PPP6R3: variants seen among roughly 807,000 people sequenced by gnomAD.
The protein encoded by PPP6R3 is protein phosphatase 6 regulatory subunit 3, also known as serine/threonine-protein phosphatase 6 regulatory subunit 3.
In PPP6R3, 38 loss-of-function variants were observed where a neutral mutation model predicts 110.7. That is an observed-to-expected ratio of 0.34 (90% CI 0.26 to 0.45). PPP6R3 has a LOEUF of 0.45. Among genes scored for constraint, PPP6R3 ranks in the 20% least tolerant of loss-of-function variants. The probability of loss-of-function intolerance (pLI) is 1.00; values close to 1 mark genes in which losing one functional copy is unlikely to be tolerated. For missense variants in PPP6R3, 870 were observed against 1,062.4 expected (o/e 0.82, Z 2.52); for synonymous variants, 369 against 373.5 (o/e 0.99, Z 0.14).
rs67739319 is a variant in PPP6R3 at position 68,506,414 on chromosome 11, C to CAAAAAAAAAAAAAAAAAAA, written c.-157-13071_-157-13053dup. 6.9e-4 allele frequency among the ~76,000 whole-genome samples: 32 copies of CAAAAAAAAAAAAAAAAAAA among 46,076 alleles called. 4 individuals carry two copies. The highest frequency in any genetic ancestry group is 9.8e-4 in the Non-Finnish European group (23 of 23,484). 30.2% of individuals were successfully genotyped at this position (46,076 alleles called of 152,430 possible). ...ACTGCTGCACCCAGCCCTTTATACT[C>CAAAAAAAAAAAAAAAAAAA]AAAAAAAAAAAAAAAAAAAAAAAAA... is the stretch of plus-strand genomic sequence containing the variant. On this transcript the variant is annotated intron_variant, in intron 1 of 23. Transcript: ENST00000393800.
chr11:68,474,268 A>G (rs777430801), intron 1 of PPP6R3, among the ~76,000 whole-genome samples: 18 of 152,082 alleles, frequency 1.2e-4, no homozygotes, highest in Non-Finnish European at 2.2e-4. Context: ...CTGGTCTCGA[A>G]CTTCTGGCTT....
intron 15 of PPP6R3, 54 bp from the exon 16 acceptor site, chr11:68,587,873 T>C: frequency 7.2e-7 from 1 of 1,393,630 alleles, no homozygotes; most frequent in East Asian, 2.3e-5. Flanking sequence ...GCAAATAGTA[T>C]GTAGAATATC....
rs1342045075 is a variant in PPP6R3, at chr11:68,601,980, A to T, written c.2299+11A>T. ...CAGTGCAGCCAGAAGGTGCGTGCAG[A>T]GAGGCCTGGGTACACGCCAGGGTCA... On this transcript the variant is annotated intron_variant, in intron 21 of 23. Coordinates refer to ENST00000393800, the MANE Select transcript of PPP6R3 (RefSeq NM_001164161.2). 6.2e-7 allele frequency: 1 copy of T among 1,601,370 alleles called. No individual in the cohort carries two copies. Among genetic ancestry groups the T allele is most frequent in the African/African-American group, 1.3e-5 (1 of 74,546 alleles).
intron 1 of PPP6R3, among the ~76,000 whole-genome samples, chr11:68,473,003 A>G (rs1198024261): frequency 5.9e-5 from 9 of 152,188 alleles, no homozygotes; most frequent in Non-Finnish European, 1.2e-4. Context: ...GTTGATGGAC[A>G]TTTGTTTCCT....
At chr11:68,564,739 A>C (rs1401963679) in intron 9 of PPP6R3, among the ~76,000 whole-genome samples, 2 of 152,238 alleles carry the variant, frequency 1.3e-5, no homozygotes, top group Admixed American at 1.3e-4. Flanking sequence ...AGGAAAAGCT[A>C]ATCTTTCAGA....
intron 1 of PPP6R3, among the ~76,000 whole-genome samples, chr11:68,490,496 T>G (rs964513255): frequency 3.9e-5 from 6 of 152,134 alleles, no homozygotes; most frequent in Admixed American, 3.3e-4. Context: ...TATGGTTTGG[T>G]GCCTGACAAC....
chr11:68,612,303 G>A (rs2153981171), intron 23 of PPP6R3, among the ~76,000 whole-genome samples: 1 of 152,314 alleles, frequency 6.6e-6, no homozygotes, highest in Non-Finnish European at 1.5e-5. Context: ...ATAACCAGCA[G>A]GTATAAGGCA....
intron 8 of PPP6R3, among the ~76,000 whole-genome samples, chr11:68,563,883 TTATC>T (rs1157766466): frequency 6.6e-6 from 1 of 152,226 alleles, no homozygotes; most frequent in Non-Finnish European, 1.5e-5. Flanking sequence ...ATAATGTTGA[TTATC>T]TAAGAAAAAC....
chr11:68,600,453 G>A lies in PPP6R3; in HGVS notation c.2151G>A (p.Glu717=). ...CAGAGGAGCCGATGCCAACTAAAGA[G>A]ACGGGCTGGGCTTCTTTTTCAGAGT... ...WSTEEPMPTK[E]TGWASFSEFT... is the part of the protein sequence containing the mutation. The change falls in exon 20 of 24, where the codon GAG becomes GAA. Residue 717 remains glutamate (E), a synonymous_variant. Coordinates refer to ENST00000393800, the MANE Select transcript of PPP6R3 (RefSeq NM_001164161.2). 6.2e-7 allele frequency: 1 copy of A among 1,614,168 alleles called. No homozygotes were observed. Among genetic ancestry groups the A allele is most frequent in the Non-Finnish European group, 8.5e-7 (1 of 1,180,026 alleles).
At chr11:68,494,985 C>G (rs1369766986) in intron 1 of PPP6R3, among the ~76,000 whole-genome samples, 2 of 152,114 alleles carry the variant, frequency 1.3e-5, no homozygotes, top group Non-Finnish European at 2.9e-5. Flanking sequence ...GTGCCAGGCT[C>G]AAAAATGTTT....
intron 18 of PPP6R3, among the ~76,000 whole-genome samples, chr11:68,594,888 G>T (rs2099608795): frequency 1.3e-5 from 2 of 152,204 alleles, no homozygotes; most frequent in Admixed American, 1.3e-4. Flanking sequence ...CAGTGGAACA[G>T]AATAGAGAGC....
chr11:68,612,886 T>G, intron 23 of PPP6R3, 180 bp from the exon 24 acceptor site: 1 of 1,233,620 alleles, frequency 8.1e-7, no homozygotes, highest in Non-Finnish European at 1.1e-6. Context: ...TTAGATGCAC[T>G]CACTCAGATT....
At chr11:68,555,904 A>G (rs1160260582) in intron 7 of PPP6R3, among the ~76,000 whole-genome samples, 1 of 152,210 alleles carries the variant, frequency 6.6e-6, no homozygotes, top group Non-Finnish European at 1.5e-5. Context: ...GAGAATAAGA[A>G]CCAACCACTT....
Position 68,566,240 on chromosome 11 carries a change from T to G in PPP6R3, c.976-774T>G, listed in dbSNP as rs1468356402. Among the ~76,000 whole-genome samples, 7 of 146,340 alleles carry G rather than the reference T, an allele frequency of 4.8e-5. No homozygotes were observed. In the East Asian group the frequency reaches 7.8e-4, roughly 16 times the overall value. On this transcript the variant is annotated intron_variant, in intron 9 of 23. Coordinates refer to ENST00000393800, the MANE Select transcript of PPP6R3 (RefSeq NM_001164161.2). ...CTACTACCACCACCACCACCACGGC[T>G]GCTGCTGCTGCTGCTGCTGCTGTTG... is the stretch of plus-strand genomic sequence containing the variant.
intron 1 of PPP6R3, among the ~76,000 whole-genome samples, chr11:68,515,469 G>A (rs1184139588): frequency 6.6e-6 from 1 of 152,240 alleles, no homozygotes; most frequent in African/African-American, 2.4e-5. Flanking sequence ...TGAGAACATA[G>A]AGAAGAGAAA....
chr11:68,467,688 A>G (rs1326571831), intron 1 of PPP6R3, among the ~76,000 whole-genome samples: 1 of 152,250 alleles, frequency 6.6e-6, no homozygotes, highest in East Asian at 1.9e-4. Flanking sequence ...CGGGAGGAAC[A>G]CTGACTAGTC....
At chr11:68,578,714 C>A (rs188476840) in intron 14 of PPP6R3, among the ~76,000 whole-genome samples, 2 of 152,228 alleles carry the variant, frequency 1.3e-5, no homozygotes, top group Admixed American at 6.5e-5. Flanking sequence ...CCCCAGGCTC[C>A]TATCACTTCT....
chr11:68,567,214 C>G (rs1173979044), intron 10 of PPP6R3, 48 bp downstream of exon 10: 3 of 1,481,370 alleles, frequency 2.0e-6, no homozygotes, highest in Non-Finnish European at 2.7e-6. Context: ...ATTGATATTT[C>G]ATGGATATTT....
chr11:68,587,422 T>G (rs1003730952), intron 15 of PPP6R3: 6 of 159,790 alleles, frequency 3.8e-5, no homozygotes, highest in African/African-American at 7.2e-5. Flanking sequence ...GAAATGTCCC[T>G]GAACATTTTG....
Sources: allele counts gnomAD v4.1 joint callset (sites outside exome capture counted in the v4.1 genomes callset), GRCh38; gene constraint gnomAD v4.1.1; transcripts MANE v1.5; gene names NCBI Gene and HGNC (gene_info 2026-07-23, HGNC 2026-07-21).